QSER1: variants seen among roughly 807,000 people sequenced by gnomAD.
QSER1 encodes glutamine and serine-rich protein 1.
In QSER1, 49 loss-of-function variants were observed where a neutral mutation model predicts 158.5. The observed-to-expected ratio is 0.31, with a 90% CI of 0.25 to 0.39. The LOEUF is 0.39. Ranked by LOEUF, QSER1 falls within the 10% of genes least tolerant of loss-of-function variation. The pLI, the probability that QSER1 is intolerant of heterozygous loss-of-function variation, is 1.00. For missense variants in QSER1, 1,754 were observed against 2,010.3 expected, an observed-to-expected ratio of 0.87 and a Z score of 2.44; for synonymous variants, 650 against 715.5, an observed-to-expected ratio of 0.91 and a Z score of 1.46.
intron 1 of QSER1, among the ~76,000 whole-genome samples, chr11:32,909,940 T>A (rs1344074144): frequency 2.0e-5 from 3 of 152,144 alleles, no homozygotes; most frequent in Admixed American, 2.0e-4. Flanking sequence ...AAAAATGTAA[T>A]TTAGACACTC....
At chr11:32,908,851 A>G (rs1472650122) in intron 1 of QSER1, among the ~76,000 whole-genome samples, 1 of 152,130 alleles carries the variant, frequency 6.6e-6, no homozygotes, top group Non-Finnish European at 1.5e-5. Flanking sequence ...TGGTTGTACC[A>G]TTTTGTATTC....
At chr11:32,965,299 G>A (rs1305290298) in intron 8 of QSER1, among the ~76,000 whole-genome samples, 1 of 150,986 alleles carries the variant, frequency 6.6e-6, no homozygotes, top group African/African-American at 2.4e-5. Context: ...TTTTTTAATT[G>A]AAACGATGTC....
In QSER1 at chr11:32,953,265, A is replaced by G. The variant is rs189587592; in HGVS notation, c.4178-592A>G. On this transcript the variant is annotated intron_variant, in intron 4 of 12. Coordinates refer to ENST00000650167, the MANE Select transcript of QSER1 (RefSeq NM_001076786.3). ...TGTTTTGGGTTTTTTTTTTTCCCACATGTATTTGGTTTTTCATCTTCTATG... is the reference window on the plus strand; with the variant it reads ...TGTTTTGGGTTTTTTTTTTTCCCACGTGTATTTGGTTTTTCATCTTCTATG... Among the ~76,000 whole-genome samples the G allele has an allele frequency of 7.4e-5, 11 of 149,538 alleles. 1 individual carries two copies. The highest frequency in any genetic ancestry group is 7.3e-4 in the Admixed American group (11 of 15,058).
intron 1 of QSER1, among the ~76,000 whole-genome samples, chr11:32,925,107 ATTTTCT>A (rs1321368681): frequency 1.3e-5 from 2 of 152,108 alleles, no homozygotes; most frequent in Non-Finnish European, 2.9e-5. Flanking sequence ...TGTGTACCAC[ATTTTCT>A]TTATCCAGTC....
intron 1 of QSER1, among the ~76,000 whole-genome samples, chr11:32,917,040 G>C (rs1390372833): frequency 6.6e-6 from 1 of 152,328 alleles, no homozygotes; most frequent in South Asian, 2.1e-4. Flanking sequence ...ACCCACCTCG[G>C]CCTCCCGCAG....
chr11:32,909,395 G>A (rs970822086), intron 1 of QSER1, among the ~76,000 whole-genome samples: 9 of 151,358 alleles, frequency 5.9e-5, no homozygotes, highest in East Asian at 1.9e-4. Flanking sequence ...AAAAGATGAC[G>A]TGAGATTATT....
intron 4 of QSER1, among the ~76,000 whole-genome samples, chr11:32,950,344 C>A (rs1373026346): frequency 6.6e-6 from 1 of 152,020 alleles, no homozygotes; most frequent in Non-Finnish European, 1.5e-5. Flanking sequence ...TCTGCCCACC[C>A]AGGCCTCCCA....
At chr11:32,903,366 T>A (rs1285233313) in intron 1 of QSER1, among the ~76,000 whole-genome samples, 1 of 149,284 alleles carries the variant, frequency 6.7e-6, no homozygotes, top group Non-Finnish European at 1.5e-5. Flanking sequence ...GACAGCTAAT[T>A]AGAAAATGAA....
At chr11:32,925,406 A>G (rs570874492) in intron 1 of QSER1, among the ~76,000 whole-genome samples, 2 of 152,338 alleles carry the variant, frequency 1.3e-5, no homozygotes, top group African/African-American at 4.8e-5. Context: ...ACTCCACTGA[A>G]CCCACCTAGA....
At position 32,954,077 on chromosome 11, in the gene QSER1, A is replaced by G. The variant is rs754314777; in HGVS notation, c.4398A>G (p.Ile1466Met). The G allele has an allele frequency of 1.9e-6, 3 of 1,614,062 alleles. No homozygotes were observed. Among genetic ancestry groups the G allele is most frequent in the African/African-American group, 2.7e-5 (2 of 74,944 alleles). Reference sequence around the variant, plus strand: ...CAAAAGGACAGGACACTGTTGCCATAGAAGGTTTTACAGATGAGGAGGACA... The same window carrying G: ...CAAAAGGACAGGACACTGTTGCCATGGAAGGTTTTACAGATGAGGAGGACA... ...QFAKGQDTVA[I>M]EGFTDEEDTE... The change falls in exon 5 of 13, where the codon ATA becomes ATG. Residue 1466 changes from isoleucine to methionine, a missense_variant. Ile to Met is a conservative substitution (Grantham distance 10, BLOSUM62 1). Coordinates refer to ENST00000650167, the MANE Select transcript of QSER1 (RefSeq NM_001076786.3).
chr11:32,947,255 CCT>C (rs749958787), intron 4 of QSER1, among the ~76,000 whole-genome samples: 8 of 145,214 alleles, frequency 5.5e-5, no homozygotes, highest in Non-Finnish European at 9.2e-5. Flanking sequence ...GGCTCCTCCC[CCT>C]GTTTTAATTA....
chr11:32,921,142 A>G (rs895459103), intron 1 of QSER1, among the ~76,000 whole-genome samples: 1 of 152,244 alleles, frequency 6.6e-6, no homozygotes, highest in Non-Finnish European at 1.5e-5. Context: ...TGGTATATCC[A>G]TACAATGGAA....
In QSER1 at chr11:32,934,825, A is replaced by G. The variant is rs1852120063; in HGVS notation, c.3567A>G (p.Glu1189=). 2 of 1,614,064 alleles carry G rather than the reference A, an allele frequency of 1.2e-6. No homozygotes were observed. Among genetic ancestry groups the G allele is most frequent in the South Asian group, 2.2e-5 (2 of 91,090 alleles). Residue 1189 remains glutamate (E), a synonymous_variant, in exon 4 of 13, where the codon GAA becomes GAG. Transcript: ENST00000650167. ...GGGATGCAGTCAGTGTCAAGATTGA[A>G]GAAGAAAACCAAGATTTAATGCATT... The part of the protein sequence containing the change: ...QSGDAVSVKI[E]EENQDLMHFN...
At chr11:32,941,401 T>G (rs1489009272) in intron 4 of QSER1, among the ~76,000 whole-genome samples, 8 of 90,600 alleles carry the variant, frequency 8.8e-5, no homozygotes, top group African/African-American at 2.6e-4. Flanking sequence ...CCCACAACAG[T>G]CCCCAGAGTG....
At chr11:32,954,965 T>A (rs1419469741) in intron 5 of QSER1, among the ~76,000 whole-genome samples, 1 of 152,272 alleles carries the variant, frequency 6.6e-6, no homozygotes, top group African/African-American at 2.4e-5. Context: ...TATTTGTTTA[T>A]GGTCTTTTAA....
In QSER1 at chr11:32,931,880, G is replaced by A. The variant is rs1852052113; in HGVS notation, c.622G>A (p.Val208Met). 1 of 1,614,110 alleles carries A rather than the reference G, an allele frequency of 6.2e-7. No individual in the cohort carries two copies. Among genetic ancestry groups the A allele is most frequent in the Non-Finnish European group, 8.5e-7 (1 of 1,180,024 alleles). Residue 208 changes from valine to methionine, a missense_variant, in exon 4 of 13, where the codon GTG becomes ATG. This residue lies in a region of QSER1 where 1,707 missense variants were observed against 1,919.6 expected (regional missense o/e 0.89). Coordinates refer to ENST00000650167, the MANE Select transcript of QSER1 (RefSeq NM_001076786.3). ...AAACTTTGCTACCACTTCACCTTTGGTGCTTCAGGATTCAACTTTTAACAC... is the reference window on the plus strand; with the variant it reads ...AAACTTTGCTACCACTTCACCTTTGATGCTTCAGGATTCAACTTTTAACAC... The part of the protein sequence containing the change: ...NRNFATTSPL[V>M]LQDSTFNTTS...
At chr11:32,939,814 GAAA>G (rs948817136) in intron 4 of QSER1, among the ~76,000 whole-genome samples, 1 of 152,144 alleles carries the variant, frequency 6.6e-6, no homozygotes, top group Non-Finnish European at 1.5e-5. Flanking sequence ...TCCTAGGTAT[GAAA>G]CGCTGATTTG....
rs756378300 is a variant in QSER1, at chr11:32,934,981, G to C, written c.3723G>C (p.Pro1241=). ...QNPRGTDIYL[P]YTPPSSESCH... ...CAAGGGGAACAGATATTTACTTACC[G>C]TATACTCCTCCTTCCTCAGAAAGCT... Residue 1241 remains proline (P), a synonymous_variant, in exon 4 of 13, where the codon CCG becomes CCC. Transcript: ENST00000650167. 1 of 1,614,004 alleles carries C rather than the reference G, an allele frequency of 6.2e-7. No homozygotes were observed. The highest frequency in any genetic ancestry group is 1.3e-5 in the African/African-American group (1 of 74,922).
At chr11:32,911,790 CTTTTCT>C (rs1466958158) in intron 1 of QSER1, among the ~76,000 whole-genome samples, 1 of 152,196 alleles carries the variant, frequency 6.6e-6, no homozygotes, top group Non-Finnish European at 1.5e-5. Flanking sequence ...GATTAAACCT[CTTTTCT>C]TTTTAAGTTA....
Sources: allele counts gnomAD v4.1 joint callset (sites outside exome capture counted in the v4.1 genomes callset), GRCh38; gene constraint gnomAD v4.1.1; regional missense constraint gnomAD v4.1.1; transcripts MANE v1.5; gene names NCBI Gene and HGNC (gene_info 2026-07-23, HGNC 2026-07-21).